THSD7B: variants seen among roughly 807,000 people sequenced by gnomAD.
The protein encoded by THSD7B is thrombospondin type 1 domain containing 7B, also known as thrombospondin type-1 domain-containing protein 7B.
Under a neutral mutation model 213.6 loss-of-function variants are expected in THSD7B, and 138 were observed. The observed-to-expected ratio is 0.65, with a 90% CI of 0.56 to 0.74. THSD7B has a LOEUF of 0.74. Ranked by LOEUF, THSD7B falls within the 30% of genes least tolerant of loss-of-function variation. THSD7B has a pLI of 0.00. For missense variants in THSD7B, 1,931 were observed against 1,991.5 expected (o/e 0.97, Z 0.58); for synonymous variants, 742 against 687.0 (o/e 1.08, Z -1.25).
At chr2:137,414,018 T>C (rs1301883149) in intron 14 of THSD7B, among the ~76,000 whole-genome samples, 1 of 152,230 alleles carries the variant, frequency 6.6e-6, no homozygotes, top group African/African-American at 2.4e-5. Flanking sequence ...ATGTTATCTG[T>C]CATTCATCCG....
At chr2:137,409,498 A>G (rs1189106844) in intron 13 of THSD7B, among the ~76,000 whole-genome samples, 2 of 152,144 alleles carry the variant, frequency 1.3e-5, no homozygotes, top group Non-Finnish European at 2.9e-5. Flanking sequence ...AATGGGTGTG[A>G]TTGGTTCTTT....
chr2:137,421,417 C>G (rs1474202636), intron 14 of THSD7B, among the ~76,000 whole-genome samples: 1 of 152,154 alleles, frequency 6.6e-6, no homozygotes, highest in Non-Finnish European at 1.5e-5. Context: ...ACGACTCCCA[C>G]TTTGGGTTTG....
At chr2:137,257,260 T>C (rs1441308874) in intron 10 of THSD7B, among the ~76,000 whole-genome samples, 3 of 152,208 alleles carry the variant, frequency 2.0e-5, no homozygotes, top group Non-Finnish European at 4.4e-5. Flanking sequence ...TAATAGCATG[T>C]CTTCATGACC....
chr2:137,451,150 A>G (rs1351019970), intron 15 of THSD7B, 127 bp downstream of exon 15: 3 of 983,654 alleles, frequency 3.0e-6, no homozygotes, highest in Non-Finnish European at 4.1e-6. Context: ...CAGAAGAAGG[A>G]TTAAGAGGGC....
At chr2:137,403,992 A>C (rs1479086044) in intron 12 of THSD7B, among the ~76,000 whole-genome samples, 1 of 152,218 alleles carries the variant, frequency 6.6e-6, no homozygotes, top group Non-Finnish European at 1.5e-5. Context: ...TAGAGAATAT[A>C]AATGTATATT....
At chr2:137,386,456 A>C (rs1232112775) in intron 12 of THSD7B, among the ~76,000 whole-genome samples, 1 of 151,600 alleles carries the variant, frequency 6.6e-6, no homozygotes, top group African/African-American at 2.4e-5. Flanking sequence ...CAGGACAGGA[A>C]GCTTTATAGG....
chr2:136,898,765 C>T (rs1259259298), intron 2 of THSD7B, among the ~76,000 whole-genome samples: 1 of 151,784 alleles, frequency 6.6e-6, no homozygotes, highest in African/African-American at 2.4e-5. Flanking sequence ...GCCTCAGCCT[C>T]CTGAGTAGCT....
At chr2:137,283,173 GA>G (rs1283090947) in intron 12 of THSD7B, among the ~76,000 whole-genome samples, 2 of 152,104 alleles carry the variant, frequency 1.3e-5, no homozygotes, top group Non-Finnish European at 2.9e-5. Context: ...AAGCAATTGT[GA>G]ATGGCAGTTC....
chr2:136,790,147 G>T (rs932165956), intron 1 of THSD7B, among the ~76,000 whole-genome samples: 8 of 151,566 alleles, frequency 5.3e-5, no homozygotes, highest in Non-Finnish European at 1.0e-4. Context: ...GTGTGTTTGT[G>T]TGTGTGTTTA....
At chr2:136,893,440 A>G (rs2105004083) in intron 2 of THSD7B, among the ~76,000 whole-genome samples, 1 of 152,306 alleles carries the variant, frequency 6.6e-6, no homozygotes, top group African/African-American at 2.4e-5. Context: ...TTGATATTTT[A>G]CTTAAGTTTG....
At chr2:137,303,273 C>T (rs527855285) in intron 12 of THSD7B, among the ~76,000 whole-genome samples, 45 of 152,308 alleles carry the variant, frequency 3.0e-4, no homozygotes, top group African/African-American at 1.0e-3. Context: ...ATTCCTGCTT[C>T]AGCCTCCCAA....
chr2:137,587,268 G>A (rs757543106), intron 17 of THSD7B, among the ~76,000 whole-genome samples: 2 of 152,088 alleles, frequency 1.3e-5, no homozygotes, highest in African/African-American at 2.4e-5. Context: ...TAGCTTCTTT[G>A]TGATGGGTTC....
chr2:136,784,406 A>AT lies in THSD7B; in HGVS notation c.-36+18729dup, dbSNP rs58736583. 9.5e-3 allele frequency among the ~76,000 whole-genome samples: 1,417 copies of AT among 149,796 alleles called. 16 individuals carry two copies. Among genetic ancestry groups the AT allele is most frequent in the African/African-American group, 0.031 (1,271 of 40,984 alleles). ...CTGATACAGAAATGGCTAGGCACAG[A>AT]TTTTTTTTTTGTAAGACATTAAAGG... On this transcript the variant is annotated intron_variant, in intron 1 of 27. Transcript: ENST00000409968.
intron 20 of THSD7B, among the ~76,000 whole-genome samples, chr2:137,627,219 A>C (rs1011493357): frequency 6.6e-6 from 1 of 152,202 alleles, no homozygotes; most frequent in African/African-American, 2.4e-5. Context: ...CTCTCCCCCA[A>C]GGGAGGGCAT....
At chr2:137,568,359 C>T (rs149203571) in intron 16 of THSD7B, among the ~76,000 whole-genome samples, 3 of 152,182 alleles carry the variant, frequency 2.0e-5, no homozygotes, top group Admixed American at 6.5e-5. Context: ...AACTGCATTT[C>T]CATTCAGGAA....
intron 18 of THSD7B, among the ~76,000 whole-genome samples, 191 bp downstream of exon 18, chr2:137,616,507 C>T (rs1682389995): frequency 6.6e-6 from 1 of 152,094 alleles, no homozygotes; most frequent in South Asian, 2.1e-4. Flanking sequence ...CATGTAGAAT[C>T]AGCAAGGCCA....
Position 137,347,656 on chromosome 2 carries a change from T to C in THSD7B, c.2501-57957T>C, listed in dbSNP as rs187445620. Among the ~76,000 whole-genome samples, 6 of 151,302 alleles carry C rather than the reference T, an allele frequency of 4.0e-5. No individual in the cohort carries two copies. In the East Asian group the frequency reaches 1.2e-3, roughly 30 times the overall value. On this transcript the variant is annotated intron_variant, in intron 12 of 27. Coordinates refer to ENST00000409968, the MANE Select transcript of THSD7B (RefSeq NM_001316349.2). ...CCTTCTTGGCTCAGCTGCTATCTAGTTGTGTGAATTTGGGCGGATCTCGTT... is the reference window on the plus strand; with the variant it reads ...CCTTCTTGGCTCAGCTGCTATCTAGCTGTGTGAATTTGGGCGGATCTCGTT...
chr2:137,269,094 C>T (rs1682671533), intron 10 of THSD7B, among the ~76,000 whole-genome samples: 1 of 152,144 alleles, frequency 6.6e-6, no homozygotes. Context: ...AGATAGTTCA[C>T]ACATCTCTGG....
chr2:137,489,663 A>G (rs1391124964), intron 15 of THSD7B, among the ~76,000 whole-genome samples: 1 of 152,200 alleles, frequency 6.6e-6, no homozygotes, highest in Non-Finnish European at 1.5e-5. Flanking sequence ...GACCCAGATT[A>G]ATTATAATTT....
Sources: allele counts gnomAD v4.1 joint callset (sites outside exome capture counted in the v4.1 genomes callset), GRCh38; gene constraint gnomAD v4.1.1; transcripts MANE v1.5; gene names NCBI Gene and HGNC (gene_info 2026-07-23, HGNC 2026-07-21).